LINGO2: variants seen among roughly 807,000 people sequenced by gnomAD.
LINGO2 encodes the protein leucine-rich repeat and immunoglobulin-like domain-containing nogo receptor-interacting protein 2.
A neutral mutation model predicts 30.6 loss-of-function variants in LINGO2; 14 were observed. The ratio of observed to expected loss-of-function variants is 0.46; its 90% confidence interval spans 0.30 to 0.72. The LOEUF is 0.72. Ranked by LOEUF, LINGO2 falls within the 30% of genes least tolerant of loss-of-function variation. The pLI is 0.07. For synonymous variants in LINGO2, 317 were observed against 288.5 expected (o/e 1.10, Z -1.00); for missense variants, 729 against 751.7 (o/e 0.97, Z 0.35).
chr9:28,189,269 GAGGAAGGGAGGGAGGGAGGGAGGA>G (rs1819665546), intron 4 of LINGO2, among the ~76,000 whole-genome samples: 3 of 52,952 alleles, frequency 5.7e-5, no homozygotes, highest in Non-Finnish European at 1.0e-4. Flanking sequence ...GGAAGGGAGG[GAGGAAGGGAGGGAGGGAGGGAGGA>G]AGGAAGGAAG....
chr9:28,707,660 T>C, the LINGO2 span, among the ~76,000 whole-genome samples: 188 of 152,150 alleles, frequency 1.2e-3, 4 homozygotes, highest in East Asian at 0.03. Context: ...GATCCTGTCC[T>C]CCCACTGTCA....
intron 4 of LINGO2, among the ~76,000 whole-genome samples, chr9:28,159,921 G>C (rs1828239478): frequency 6.6e-6 from 1 of 152,118 alleles, no homozygotes; most frequent in South Asian, 2.1e-4. Context: ...AAAGTTGATA[G>C]ATGTCTGTTC....
intron 5 of LINGO2, among the ~76,000 whole-genome samples, chr9:27,957,140 C>G (rs1819610292): frequency 6.6e-6 from 1 of 152,140 alleles, no homozygotes; most frequent in Non-Finnish European, 1.5e-5. Flanking sequence ...ACTTTCTTTT[C>G]CCTATAACAT....
intron 2 of LINGO2, among the ~76,000 whole-genome samples, chr9:28,450,320 C>G (rs913319261): frequency 1.3e-5 from 2 of 151,970 alleles, no homozygotes; most frequent in African/African-American, 2.4e-5. Flanking sequence ...TAGATGAATC[C>G]TCTGTTCATT....
the LINGO2 span, among the ~76,000 whole-genome samples, chr9:29,032,172 A>C: frequency 6.6e-6 from 1 of 152,186 alleles, no homozygotes; most frequent in African/African-American, 2.4e-5. Context: ...TGGAGGACGG[A>C]GATTAATACA....
At chr9:28,490,098 G>C (rs1826336716) in intron 1 of LINGO2, among the ~76,000 whole-genome samples, 2 of 152,026 alleles carry the variant, frequency 1.3e-5, no homozygotes, top group African/African-American at 4.8e-5. Flanking sequence ...TCCCAGGTTA[G>C]TAAAAAGGTA....
chr9:28,202,686 C>T (rs1224059617), intron 4 of LINGO2, among the ~76,000 whole-genome samples: 1 of 152,126 alleles, frequency 6.6e-6, no homozygotes, highest in Non-Finnish European at 1.5e-5. Flanking sequence ...ACTTTGTTAA[C>T]ATATCACCTT....
At chr9:28,424,250 A>G (rs1233406637) in intron 2 of LINGO2, among the ~76,000 whole-genome samples, 3 of 152,144 alleles carry the variant, frequency 2.0e-5, no homozygotes, top group African/African-American at 7.2e-5. Flanking sequence ...CACTTTGTGT[A>G]GAAGAACATG....
chr9:28,441,324 T>C (rs546961172), intron 2 of LINGO2, among the ~76,000 whole-genome samples: 1 of 135,466 alleles, frequency 7.4e-6, no homozygotes, highest in East Asian at 2.2e-4. Flanking sequence ...AGGAAGTTTA[T>C]ATATTAAACT....
intron 2 of LINGO2, among the ~76,000 whole-genome samples, chr9:28,388,805 A>G (rs1259257248): frequency 1.3e-5 from 2 of 152,096 alleles, no homozygotes; most frequent in African/African-American, 4.8e-5. Flanking sequence ...ATCAGATATA[A>G]TTTGCATTTT....
At chr9:28,247,459 T>G (rs1355958178) in intron 4 of LINGO2, among the ~76,000 whole-genome samples, 2 of 152,144 alleles carry the variant, frequency 1.3e-5, no homozygotes, top group African/African-American at 4.8e-5. Flanking sequence ...GAGACATGGA[T>G]GAAGCTGGAA....
the LINGO2 span, among the ~76,000 whole-genome samples, chr9:28,894,854 G>T: frequency 6.6e-6 from 1 of 152,034 alleles, no homozygotes. Context: ...TTAATTTTTT[G>T]TAGTAAGAAT....
the LINGO2 span, among the ~76,000 whole-genome samples, chr9:28,832,111 C>A: frequency 6.6e-6 from 1 of 151,986 alleles, no homozygotes; most frequent in African/African-American, 2.4e-5. Flanking sequence ...TAACAGAAAA[C>A]CTTTTAGTGA....
intron 4 of LINGO2, among the ~76,000 whole-genome samples, chr9:28,051,050 G>A (rs1277788673): frequency 6.6e-6 from 1 of 150,790 alleles, no homozygotes; most frequent in Non-Finnish European, 1.5e-5. Flanking sequence ...CTCAGTTCCA[G>A]CTTTTAGCTA....
intron 4 of LINGO2, among the ~76,000 whole-genome samples, chr9:28,140,341 T>C (rs887058784): frequency 5.9e-5 from 9 of 152,214 alleles, no homozygotes; most frequent in Admixed American, 2.0e-4. Context: ...GTGAACCAGA[T>C]AGGAAATGTA....
intron 1 of LINGO2, among the ~76,000 whole-genome samples, chr9:28,539,557 C>T (rs1228360127): frequency 6.6e-6 from 1 of 151,838 alleles, no homozygotes; most frequent in Non-Finnish European, 1.5e-5. Flanking sequence ...GTAATGAAAT[C>T]CTCACTACCA....
At chr9:28,411,396 C>T (rs1465246958) in intron 2 of LINGO2, among the ~76,000 whole-genome samples, 1 of 152,040 alleles carries the variant, frequency 6.6e-6, no homozygotes, top group East Asian at 1.9e-4. Flanking sequence ...TTTAGGTATA[C>T]AATTCAGTGG....
intron 1 of LINGO2, among the ~76,000 whole-genome samples, chr9:28,529,541 G>A (rs998608554): frequency 6.6e-6 from 1 of 151,248 alleles, no homozygotes; most frequent in African/African-American, 2.4e-5. Context: ...CTTTCCCAAG[G>A]ATTTAAAGCC....
the LINGO2 span, among the ~76,000 whole-genome samples, chr9:28,850,309 C>A: frequency 6.6e-6 from 1 of 152,062 alleles, no homozygotes; most frequent in South Asian, 2.1e-4. Flanking sequence ...ATATGTACTA[C>A]TAATAATATT....
Sources: gnomAD v4.1 joint callset for allele counts (sites outside exome capture counted in the v4.1 genomes callset) on GRCh38, gnomAD v4.1.1 for gene constraint, MANE v1.5 for transcripts, NCBI Gene and HGNC (gene_info 2026-07-23, HGNC 2026-07-21) for gene names.